Variants in COL4A1 observed in about 807,000 individuals in gnomAD.
COL4A1 encodes the protein collagen type IV alpha 1 chain.
A neutral mutation model predicts 216.6 loss-of-function variants in COL4A1; 40 were observed. The ratio of observed to expected loss-of-function variants is 0.18; its 90% confidence interval spans 0.14 to 0.24. The LOEUF is 0.24. Ranked by LOEUF, COL4A1 falls within the 10% of genes least tolerant of loss-of-function variation. The pLI is 1.00. For synonymous variants in COL4A1, 839 were observed against 810.7 expected (o/e 1.03, Z -0.59); for missense variants, 1,628 against 2,196.8 (o/e 0.74, Z 5.18).
At chr13:110,155,422 G>C in intron 49 of COL4A1, 25 bp from the exon 50 acceptor site, 2 of 1,576,760 alleles carry the variant, frequency 1.3e-6, no homozygotes, top group South Asian at 2.2e-5. Context: ...GAGACACTCA[G>C]CACAGCCGGG....
At chr13:110,150,775 C>A (rs531170461) in intron 51 of COL4A1, among the ~76,000 whole-genome samples, 1 of 152,362 alleles carries the variant, frequency 6.6e-6, no homozygotes, top group East Asian at 1.9e-4. Flanking sequence ...CCTCCTCGTA[C>A]TACAATTTCA....
chr13:110,239,991 T>C (rs898620745), intron 2 of COL4A1, among the ~76,000 whole-genome samples: 9 of 152,186 alleles, frequency 5.9e-5, no homozygotes, highest in African/African-American at 2.2e-4. Flanking sequence ...GTGTGAACCA[T>C]AGGACCTGAA....
intron 1 of COL4A1, among the ~76,000 whole-genome samples, chr13:110,288,120 C>T (rs999779585): frequency 6.6e-5 from 10 of 151,428 alleles, no homozygotes; most frequent in African/African-American, 2.4e-4. Context: ...AAAAATTACC[C>T]AGGAGTGGTG....
intron 2 of COL4A1, among the ~76,000 whole-genome samples, chr13:110,231,304 G>C (rs977850219): frequency 7.9e-5 from 12 of 152,202 alleles, no homozygotes; most frequent in African/African-American, 2.7e-4. Context: ...GAAGGGGGAG[G>C]TGAGGAGGCA....
intron 2 of COL4A1, among the ~76,000 whole-genome samples, chr13:110,231,318 T>C (rs1325253753): frequency 6.6e-6 from 1 of 152,188 alleles, no homozygotes; most frequent in East Asian, 1.9e-4. Flanking sequence ...GGAGGCACAG[T>C]TGTCCATGGA....
At chr13:110,166,804 C>T (rs768081320) in intron 44 of COL4A1, among the ~76,000 whole-genome samples, 2 of 152,144 alleles carry the variant, frequency 1.3e-5, no homozygotes, top group African/African-American at 4.8e-5. Flanking sequence ...TCACCTTTCA[C>T]GTGTATCTGA....
chr13:110,207,308 G>T lies in COL4A1; in HGVS notation c.780+95C>A. 2 of 1,070,446 alleles carry T rather than the reference G, an allele frequency of 1.9e-6. No individual in the cohort carries two copies. Among genetic ancestry groups the T allele is most frequent in the South Asian group, 1.3e-5 (1 of 78,836 alleles). 66.3% of individuals were successfully genotyped at this position (1,070,446 alleles called of 1,614,324 possible). A position where few individuals can be genotyped will look rare whatever the true frequency, so the allele number is the denominator to read the frequency against. On this transcript the variant is annotated intron_variant, in intron 13 of 51. Coordinates refer to ENST00000375820, the MANE Select transcript of COL4A1 (RefSeq NM_001845.6). This position sits in a 1 kb window ranked among gnomAD's most constrained non-coding sequence, Gnocchi z 4.4. ...GTTTTCCAGACCAGGATTGAATGTAGCTGGAAAAACTGAGTTTTGACCCAT... is the reference window on the plus strand; with the variant it reads ...GTTTTCCAGACCAGGATTGAATGTATCTGGAAAAACTGAGTTTTGACCCAT...
At chr13:110,296,707 A>G (rs1884290706) in intron 1 of COL4A1, among the ~76,000 whole-genome samples, 2 of 152,248 alleles carry the variant, frequency 1.3e-5, no homozygotes, top group Admixed American at 6.5e-5. Flanking sequence ...ATGAAGGCTC[A>G]GTCCCACAAG....
At chr13:110,192,722 T>C (rs545121191) in intron 23 of COL4A1, 108 bp downstream of exon 23, 12 of 867,036 alleles carry the variant, frequency 1.4e-5, no homozygotes, top group East Asian at 7.4e-5. Flanking sequence ...TGCTTTAGGA[T>C]TGGCTGCCGA....
intron 1 of COL4A1, among the ~76,000 whole-genome samples, chr13:110,275,938 G>A (rs1376915914): frequency 1.3e-5 from 2 of 152,168 alleles, no homozygotes; most frequent in African/African-American, 4.8e-5. Context: ...AGAGGATGGA[G>A]GAATTTTGTG....
chr13:110,254,629 C>T (rs952490761), intron 1 of COL4A1, among the ~76,000 whole-genome samples: 3 of 152,130 alleles, frequency 2.0e-5, no homozygotes, highest in Non-Finnish European at 4.4e-5. Context: ...GCAGTAGGAC[C>T]ACTTTTTTTC....
At chr13:110,175,999 A>C (rs1165643647) in intron 36 of COL4A1, among the ~76,000 whole-genome samples, 2 of 152,056 alleles carry the variant, frequency 1.3e-5, no homozygotes, top group Non-Finnish European at 2.9e-5. Context: ...ATAGACACTG[A>C]TGGCAAAGCA....
chr13:110,275,824 A>G (rs1421898820), intron 1 of COL4A1, among the ~76,000 whole-genome samples: 1 of 152,224 alleles, frequency 6.6e-6, no homozygotes, highest in Non-Finnish European at 1.5e-5. Flanking sequence ...GATTCCAACT[A>G]TAAGACAACT....
chr13:110,174,862 C>A, intron 37 of COL4A1, 113 bp from the exon 38 acceptor site: 1 of 1,066,022 alleles, frequency 9.4e-7, no homozygotes. Context: ...CATTGCAAAA[C>A]TCCATTTCCA....
intron 1 of COL4A1, among the ~76,000 whole-genome samples, chr13:110,290,893 G>T (rs959261167): frequency 5.9e-5 from 9 of 152,216 alleles, no homozygotes; most frequent in Non-Finnish European, 2.9e-5. Flanking sequence ...TACTCTCTTT[G>T]CCTTCAGTGG....
At chr13:110,176,132 G>C (rs1027471273) in intron 36 of COL4A1, among the ~76,000 whole-genome samples, 2 of 152,222 alleles carry the variant, frequency 1.3e-5, no homozygotes, top group African/African-American at 4.8e-5. Flanking sequence ...TCGTCTCTTA[G>C]GGAGATCCTA....
At chr13:110,171,325 G>T (rs577272554) in intron 41 of COL4A1, among the ~76,000 whole-genome samples, 3 of 152,278 alleles carry the variant, frequency 2.0e-5, no homozygotes, top group Admixed American at 6.5e-5. Flanking sequence ...AGGGCAGGAG[G>T]GGGGGATTAT....
At chr13:110,288,883 T>C (rs1294711026) in intron 1 of COL4A1, among the ~76,000 whole-genome samples, 1 of 151,996 alleles carries the variant, frequency 6.6e-6, no homozygotes, top group Non-Finnish European at 1.5e-5. Context: ...AATACAAAAA[T>C]TAGCTGGGTG....
At chr13:110,152,194 G>T in intron 51 of COL4A1, 140 bp downstream of exon 51, 1 of 1,343,730 alleles carries the variant, frequency 7.4e-7, no homozygotes, top group Non-Finnish European at 1.0e-6. Context: ...TCGGTCATCT[G>T]CCCATGTCGA....
Sources: allele counts gnomAD v4.1 joint callset (sites outside exome capture counted in the v4.1 genomes callset), GRCh38; gene constraint gnomAD v4.1.1; non-coding constraint Gnocchi (gnomAD v3.1); transcripts MANE v1.5; gene names NCBI Gene and HGNC (gene_info 2026-07-23, HGNC 2026-07-21).